The following RGS6 variants were observed in gnomAD, a reference collection of about 807,000 sequenced individuals.
The protein encoded by RGS6 is regulator of G-protein signaling 6.
RGS6 carries 30 observed loss-of-function variants against 78.5 expected under a neutral mutation model. The ratio of observed to expected loss-of-function variants is 0.38; its 90% CI spans 0.29 to 0.52. The LOEUF (loss-of-function observed/expected upper bound fraction) is 0.52. RGS6 is among the 20% of genes least tolerant of loss of function. The pLI is 0.85. For synonymous variants in RGS6, 206 were observed against 206.0 expected (o/e 1.00, Z 0.00); for missense variants, 495 against 609.7 (o/e 0.81, Z 1.98).
chr14:72,316,174 G>A (rs1439563861), intron 2 of RGS6, among the ~76,000 whole-genome samples: 1 of 152,210 alleles, frequency 6.6e-6, no homozygotes, highest in African/African-American at 2.4e-5. Context: ...GGTTAAGATT[G>A]TTGAAACAAG....
At chr14:72,427,460 C>T (rs1201183750) in intron 3 of RGS6, among the ~76,000 whole-genome samples, 1 of 152,158 alleles carries the variant, frequency 6.6e-6, no homozygotes, top group African/African-American at 2.4e-5. Context: ...AATTAGCCTA[C>T]CCTAACTGAT....
At chr14:72,596,717 A>C in the RGS6 span, among the ~76,000 whole-genome samples, 1 of 152,240 alleles carries the variant, frequency 6.6e-6, no homozygotes, top group Non-Finnish European at 1.5e-5. Flanking sequence ...TGGTTACTAC[A>C]TGCCAAACAC....
At chr14:72,629,562 ACCCCT>A in the RGS6 span, 1 of 1,443,694 alleles carries the variant, frequency 6.9e-7, no homozygotes. Context: ...CTTCCTCTTC[ACCCCT>A]CAAAGGACCC....
intron 2 of RGS6, among the ~76,000 whole-genome samples, chr14:72,090,490 G>A (rs2095231540): frequency 6.6e-6 from 1 of 152,144 alleles, no homozygotes; most frequent in South Asian, 2.1e-4. Flanking sequence ...CTAATGCCTG[G>A]TGGTCTGTCC....
At chr14:72,298,707 C>A (rs2065409409) in intron 2 of RGS6, among the ~76,000 whole-genome samples, 1 of 152,128 alleles carries the variant, frequency 6.6e-6, no homozygotes, top group Admixed American at 6.5e-5. Flanking sequence ...CTCGGCCTCC[C>A]AGAGTGCTGG....
intron 2 of RGS6, among the ~76,000 whole-genome samples, chr14:72,020,753 G>A (rs2088242339): frequency 6.6e-6 from 1 of 152,162 alleles, no homozygotes; most frequent in Non-Finnish European, 1.5e-5. Flanking sequence ...ACTGCTTTTG[G>A]TACAAAAGAT....
At chr14:72,190,057 C>A (rs1252994968) in intron 2 of RGS6, among the ~76,000 whole-genome samples, 1 of 152,182 alleles carries the variant, frequency 6.6e-6, no homozygotes, top group African/African-American at 2.4e-5. Flanking sequence ...CAAGGACTTT[C>A]TTTATCCCTC....
At chr14:72,184,957 G>A (rs2097219867) in intron 2 of RGS6, among the ~76,000 whole-genome samples, 1 of 152,162 alleles carries the variant, frequency 6.6e-6, no homozygotes, top group Non-Finnish European at 1.5e-5. Context: ...CCATCTGCAA[G>A]CTGAGGAGCA....
intron 17 of RGS6, among the ~76,000 whole-genome samples, chr14:72,545,128 G>A (rs2097374840): frequency 6.6e-6 from 1 of 152,284 alleles, no homozygotes; most frequent in Non-Finnish European, 1.5e-5. Flanking sequence ...CCTCTGGCAA[G>A]GGCCAATTGG....
At chr14:71,926,181 G>A in the RGS6 span, among the ~76,000 whole-genome samples, 1 of 152,122 alleles carries the variant, frequency 6.6e-6, no homozygotes, top group Admixed American at 6.6e-5. Flanking sequence ...AACTCATATG[G>A]AAGCACAAAG....
At chr14:71,981,115 G>A (rs1192056537) in intron 2 of RGS6, among the ~76,000 whole-genome samples, 1 of 148,650 alleles carries the variant, frequency 6.7e-6, no homozygotes, top group Non-Finnish European at 1.5e-5. Flanking sequence ...AGCTCCATCA[G>A]CTCCTTTAAG....
intron 2 of RGS6, among the ~76,000 whole-genome samples, chr14:72,153,831 A>G (rs2096729967): frequency 6.6e-6 from 1 of 152,166 alleles, no homozygotes; most frequent in Non-Finnish European, 1.5e-5. Flanking sequence ...AACTCCTGAT[A>G]AGGGTCTATG....
chr14:72,146,181 A>G (rs1376719288), intron 2 of RGS6, among the ~76,000 whole-genome samples: 1 of 152,128 alleles, frequency 6.6e-6, no homozygotes, highest in Non-Finnish European at 1.5e-5. Flanking sequence ...GTCTTATGAT[A>G]CAAACCTACT....
intron 3 of RGS6, among the ~76,000 whole-genome samples, chr14:72,393,060 T>C (rs1308651716): frequency 6.6e-6 from 1 of 152,230 alleles, no homozygotes; most frequent in Admixed American, 6.5e-5. Flanking sequence ...GAACCCTGTA[T>C]GGCATGTTAA....
chr14:72,345,021 TCTTCCCCACCTC>T (rs1348006266), intron 2 of RGS6, among the ~76,000 whole-genome samples: 1 of 152,178 alleles, frequency 6.6e-6, no homozygotes, highest in Non-Finnish European at 1.5e-5. Context: ...TTAAACACCT[TCTTCCCCACCTC>T]CTGTGCAGCT....
chr14:72,151,056 T>C (rs2096678516), intron 2 of RGS6, among the ~76,000 whole-genome samples: 1 of 152,200 alleles, frequency 6.6e-6, no homozygotes, highest in Non-Finnish European at 1.5e-5. Flanking sequence ...GAGTGAGTGG[T>C]GGGCTCCACC....
At chr14:72,118,283 A>G (rs2095956833) in intron 2 of RGS6, among the ~76,000 whole-genome samples, 2 of 152,112 alleles carry the variant, frequency 1.3e-5, no homozygotes, top group South Asian at 4.1e-4. Context: ...CTGTCCAGTT[A>G]CTACCTATAA....
intron 2 of RGS6, among the ~76,000 whole-genome samples, chr14:72,336,093 C>T (rs998645523): frequency 3.3e-5 from 5 of 152,190 alleles, no homozygotes; most frequent in African/African-American, 1.2e-4. Context: ...TATTATATTA[C>T]AATTTTTCAG....
chr14:72,004,128 G>A (rs1247448946), intron 2 of RGS6, among the ~76,000 whole-genome samples: 1 of 152,184 alleles, frequency 6.6e-6, no homozygotes, highest in Non-Finnish European at 1.5e-5. Context: ...GATTGGGAAT[G>A]GCTGCTTTCA....
Sources: allele counts gnomAD v4.1 joint callset (sites outside exome capture counted in the v4.1 genomes callset), GRCh38; gene constraint gnomAD v4.1.1; transcripts MANE v1.5; gene names NCBI Gene and HGNC (gene_info 2026-07-23, HGNC 2026-07-21).